The following SGK1 variants were observed in gnomAD, a reference collection of about 807,000 sequenced individuals.
SGK1 encodes serum/glucocorticoid regulated kinase 1.
Under a neutral mutation model 64.2 loss-of-function variants are expected in SGK1, and 26 were observed. That is an observed-to-expected ratio of 0.40 (90% CI 0.30 to 0.56). The LOEUF is 0.56. Among genes scored for constraint, SGK1 ranks in the 20% least tolerant of loss-of-function variants. The pLI is 0.38. For missense variants in SGK1, 519 were observed against 645.6 expected, an observed-to-expected ratio of 0.80 and a Z score of 2.12; for synonymous variants, 265 against 239.7, an observed-to-expected ratio of 1.11 and a Z score of -0.98.
At chr6:134,175,358 G>A (rs866039676) in intron 3 of SGK1, among the ~76,000 whole-genome samples, 17 of 152,236 alleles carry the variant, frequency 1.1e-4, no homozygotes, top group Middle Eastern at 6.8e-3. Context: ...CGAGCCGGCG[G>A]TGCGCGCCAC....
chr6:134,217,632 C>T (rs374562245), intron 2 of SGK1, among the ~76,000 whole-genome samples: 4 of 152,178 alleles, frequency 2.6e-5, no homozygotes, highest in South Asian at 2.1e-4. Flanking sequence ...TCAACCGCCA[C>T]GCTCATAAAG....
chr6:134,275,375 C>T lies in SGK1; in HGVS notation c.70-13227G>A, dbSNP rs577213564. ...CTTTTTAATCTTAACCTCACTGATA[C>T]CACAGCTTCTTTCCAAATGCAAAAG... On this transcript the variant is annotated intron_variant, in intron 1 of 13. Coordinates refer to ENST00000367858, the MANE Select transcript of SGK1 (RefSeq NM_001143676.3). Among the ~76,000 whole-genome samples the T allele has an allele frequency of 2.6e-5, 4 of 152,208 alleles. No homozygotes were observed. In the South Asian group the frequency reaches 6.2e-4, roughly 24 times the overall value.
chr6:134,288,071 G>A (rs1046882845), intron 1 of SGK1, among the ~76,000 whole-genome samples: 1 of 152,126 alleles, frequency 6.6e-6, no homozygotes, highest in African/African-American at 2.4e-5. Context: ...AGATCATGAG[G>A]GCTAAACATG....
At position 134,206,359 on chromosome 6, in the gene SGK1, ATATATATATATATATATATATATATTTTT is replaced by A. The variant is rs1373013927; in HGVS notation, c.361+968_361+996del. On this transcript the variant is annotated intron_variant, in intron 3 of 13. Coordinates refer to ENST00000367858, the MANE Select transcript of SGK1 (RefSeq NM_001143676.3). ...TGATGATATATATATATATATATAT[ATATATATATATATATATATATATATTTTT>A]TTTTTTTTTTTTTTTTTTTAAATGA... Among the ~76,000 whole-genome samples the A allele has an allele frequency of 5.2e-3, 127 of 24,532 alleles. 1 individual carries two copies. The highest frequency in any genetic ancestry group is 0.013 in the African/African-American group (120 of 8,928). The allele number at this position is 24,532 out of a possible 152,430, so 16.1% of individuals were successfully genotyped here. A position where few individuals can be genotyped will look rare whatever the true frequency, so the allele number is the denominator to read the frequency against.
At position 134,182,786 on chromosome 6, in the gene SGK1, C is replaced by T. The variant is rs1033141084; in HGVS notation, c.362-8200G>A. On this transcript the variant is annotated intron_variant, in intron 3 of 13. Coordinates refer to ENST00000367858, the MANE Select transcript of SGK1 (RefSeq NM_001143676.3). ...GCCTGAATGATAATCCAACCTCCCC[C>T]TCCTCCATTCAGTCTCCCTCACAGA... Among the ~76,000 whole-genome samples, 7 of 152,234 alleles carry T rather than the reference C, an allele frequency of 4.6e-5. No homozygotes were observed. In the East Asian group the frequency reaches 9.6e-4, roughly 21 times the overall value.
intron 2 of SGK1, among the ~76,000 whole-genome samples, chr6:134,217,657 C>T (rs1323233562): frequency 5.9e-5 from 9 of 152,120 alleles, no homozygotes. Context: ...TGGTTTGGAC[C>T]AGGATAGCAG....
chr6:134,233,605 C>T (rs907055208), intron 2 of SGK1, among the ~76,000 whole-genome samples: 2 of 152,152 alleles, frequency 1.3e-5, no homozygotes, highest in Admixed American at 6.5e-5. Context: ...GAGGTATTAA[C>T]GAACTCGAAA....
In SGK1 at chr6:134,173,009, T is replaced by C; in HGVS notation, c.834+14A>G. Reference sequence around the variant, plus strand: ...CAGAGACACTAAGAGTTGACTTCTATCCCCCCTGCTCACCTCTCCACCATT... The same window carrying C: ...CAGAGACACTAAGAGTTGACTTCTACCCCCCCTGCTCACCTCTCCACCATT... On this transcript the variant is annotated intron_variant, in intron 8 of 13. Coordinates refer to ENST00000367858, the MANE Select transcript of SGK1 (RefSeq NM_001143676.3). 6.2e-7 allele frequency: 1 copy of C among 1,603,314 alleles called. No individual in the cohort carries two copies. Among genetic ancestry groups the C allele is most frequent in the Non-Finnish European group, 8.5e-7 (1 of 1,173,084 alleles).
In SGK1 at chr6:134,173,274, C is replaced by T. The variant is rs1775090866; in HGVS notation, c.702G>A (p.Glu234=). Reference sequence around the variant, plus strand: ...CAGCCCCATCAAGCACATCTCATACCTCTTTCTTTTTCAGGATTGCTTTCT... The same window carrying T: ...CAGCCCCATCAAGCACATCTCATACTTCTTTCTTTTTCAGGATTGCTTTCT... The part of the protein sequence containing the change: ...LQKKAILKKK[E]EKHIMSERNV... The change falls in exon 7 of 14, where the codon GAG becomes GAA. Residue 234 remains glutamate (E), a splice_region_variant and synonymous_variant. Transcript: ENST00000367858. 6.2e-7 allele frequency: 1 copy of T among 1,612,680 alleles called. No individual in the cohort carries two copies. The highest frequency in any genetic ancestry group is 8.5e-7 in the Non-Finnish European group (1 of 1,178,660).
chr6:134,172,894 CAGGT>C (rs916455512), intron 8 of SGK1, 120 bp from the exon 9 acceptor site: 150 of 1,262,844 alleles, frequency 1.2e-4, no homozygotes, highest in Non-Finnish European at 1.6e-4. Flanking sequence ...ATAAACCTGA[CAGGT>C]TGAAGGAAAT....
intron 1 of SGK1, among the ~76,000 whole-genome samples, chr6:134,286,478 ATTTT>A (rs1267281237): frequency 1.6e-5 from 2 of 128,454 alleles, no homozygotes; most frequent in Non-Finnish European, 1.7e-5. Context: ...AAAATACAAT[ATTTT>A]TTTTTTTTTT....
At chr6:134,291,653 T>C (rs990172511) in intron 1 of SGK1, among the ~76,000 whole-genome samples, 5 of 152,262 alleles carry the variant, frequency 3.3e-5, no homozygotes, top group African/African-American at 1.2e-4. Context: ...TCAGGCCTCC[T>C]CTGTCTATAT....
chr6:134,172,786 A>C lies in SGK1; in HGVS notation c.835-12T>G. ...AGATGGTAGAACAACTGCAGGAGAC[A>C]GAACAAAGTCATTCTGGGTTGCAAA... On this transcript the variant is annotated splice_polypyrimidine_tract_variant and intron_variant, in intron 8 of 13. Transcript: ENST00000367858. 6.4e-7 allele frequency: 1 copy of C among 1,573,042 alleles called. No homozygotes were observed. The highest frequency in any genetic ancestry group is 8.8e-7 in the Non-Finnish European group (1 of 1,142,674).
chr6:134,246,323 ATT>A lies in SGK1; in HGVS notation c.285+15608_285+15609del, dbSNP rs112628120. Among the ~76,000 whole-genome samples, 834 of 141,786 alleles carry A rather than the reference ATT, an allele frequency of 5.9e-3. 3 individuals carry two copies. Among genetic ancestry groups the A allele is most frequent in the Middle Eastern group, 0.012 (3 of 258 alleles). The allele number at this position is 141,786 out of a possible 152,430, so 93.0% of individuals were successfully genotyped here. A position where few individuals can be genotyped will look rare whatever the true frequency, so the allele number is the denominator to read the frequency against. ...GCCACCCCGCCTGGCTAATTTTTGT[ATT>A]TTTTTTTTTTTAGTAGAGAAGGGGT... On this transcript the variant is annotated intron_variant, in intron 2 of 13. Transcript: ENST00000367858.
rs556686728 is a variant in SGK1, at chr6:134,309,303, G to T, written c.69+8089C>A. Among the ~76,000 whole-genome samples, 30 of 152,328 alleles carry T rather than the reference G, an allele frequency of 2.0e-4. 1 individual carries two copies. The South Asian group carries it at 6.2e-3, about 32-fold the overall frequency. The stretch of plus-strand genomic sequence containing the variant: ...AATCCTTTCTCCACATGCCATGGCA[G>T]CTGCAGGAGGAGGCCAACGCAGCAC... On this transcript the variant is annotated intron_variant, in intron 1 of 13. Transcript: ENST00000367858.
At chr6:134,207,288 G>T in intron 3 of SGK1, 68 bp downstream of exon 3, 1 of 987,260 alleles carries the variant, frequency 1.0e-6, no homozygotes, top group African/African-American at 1.6e-5. Context: ...CCTTGCCTTT[G>T]TGTAGAGCTT....
chr6:134,215,640 G>A (rs2114695800), intron 2 of SGK1, among the ~76,000 whole-genome samples: 1 of 152,104 alleles, frequency 6.6e-6, no homozygotes, highest in African/African-American at 2.4e-5. Flanking sequence ...CAGCACTGTG[G>A]GAGGCCGAGG....
chr6:134,195,045 C>T (rs1319905103), intron 3 of SGK1, among the ~76,000 whole-genome samples: 17 of 152,116 alleles, frequency 1.1e-4, no homozygotes, highest in Non-Finnish European at 2.5e-4. Flanking sequence ...TATGAAGTTG[C>T]ATTTCATATT....
Position 134,170,727 on chromosome 6 carries a change from T to C in SGK1, c.1413+99A>G, listed in dbSNP as rs955298965. 4 of 834,146 alleles carry C rather than the reference T, an allele frequency of 4.8e-6. No individual in the cohort carries two copies. The African/African-American group carries it at 6.8e-5, about 14-fold the overall frequency. The allele number at this position is 834,146 out of a possible 1,614,324, so 51.7% of individuals were successfully genotyped here. A position where few individuals can be genotyped will look rare whatever the true frequency, so the allele number is the denominator to read the frequency against. On this transcript the variant is annotated intron_variant, in intron 13 of 13. Coordinates refer to ENST00000367858, the MANE Select transcript of SGK1 (RefSeq NM_001143676.3). ...AAATAACAGGTTTATGGAGAAAACA[T>C]CTGCCAATGTATTCCTTCCAACCCT...
Sources: allele counts gnomAD v4.1 joint callset (sites outside exome capture counted in the v4.1 genomes callset), GRCh38; gene constraint gnomAD v4.1.1; transcripts MANE v1.5; gene names NCBI Gene and HGNC (gene_info 2026-07-23, HGNC 2026-07-21).